SPDYE4: variants seen among roughly 807,000 people sequenced by gnomAD.
The protein encoded by SPDYE4 is speedy/RINGO cell cycle regulator family member E4.
In SPDYE4, 30 loss-of-function variants were observed where a neutral mutation model predicts 37.5. The ratio of observed to expected loss-of-function variants is 0.80; its 90% CI spans 0.60 to 1.09. The LOEUF (loss-of-function observed/expected upper bound fraction) is 1.09, where lower values mean the gene tolerates loss of function less well. Ranked by LOEUF, SPDYE4 falls within the 50% of genes least tolerant of loss-of-function variation. SPDYE4 has a pLI of 0.00. For synonymous variants in SPDYE4, 131 were observed against 120.3 expected (o/e 1.09, Z -0.58); for missense variants, 300 against 307.9 (o/e 0.97, Z 0.19).
chr17:8,747,619 A>G (rs143360047), downstream of SPDYE4, among the ~76,000 whole-genome samples: 118 of 152,332 alleles, frequency 7.7e-4, no homozygotes, highest in African/African-American at 2.8e-3. Flanking sequence ...TGGGAATGAT[A>G]CTTTTTTGGT....
downstream of SPDYE4, among the ~76,000 whole-genome samples, chr17:8,748,951 A>T (rs1237290277): frequency 1.3e-5 from 2 of 152,188 alleles, no homozygotes; most frequent in Non-Finnish European, 2.9e-5. Context: ...CAGAAGAATT[A>T]GCTTTCCCTC....
chr17:8,757,595 G>A (rs960725573), intron 1 of SPDYE4, 103 bp from the exon 2 acceptor site: 9 of 1,201,884 alleles, frequency 7.5e-6, no homozygotes, highest in South Asian at 6.1e-5. Flanking sequence ...CCCAAGCCTC[G>A]CAGACTGTCA....
intron 3 of SPDYE4, 51 bp downstream of exon 3, chr17:8,756,327 C>T: frequency 1.9e-6 from 3 of 1,574,880 alleles, no homozygotes; most frequent in Non-Finnish European, 2.6e-6. Context: ...TGCACCCTTC[C>T]CCAGGACGTG....
At position 8,752,047 on chromosome 17, in the gene SPDYE4, C is replaced by T. The variant is rs1476007425; in HGVS notation, c.*235G>A. Among the ~76,000 whole-genome samples the T allele has an allele frequency of 6.6e-6, 1 of 152,126 alleles. No homozygotes were observed. Among genetic ancestry groups the T allele is most frequent in the African/African-American group, 2.4e-5 (1 of 41,426 alleles). On this transcript the variant is annotated 3_prime_UTR_variant, in exon 7 of 7. Coordinates refer to ENST00000689094, the MANE Select transcript of SPDYE4 (RefSeq NM_001394956.1). ...CACCCCTGGTTTCTCACTTTCCCTCCACTGACTCCTAGAAATACCTCCATG... is the reference window on the plus strand; with the variant it reads ...CACCCCTGGTTTCTCACTTTCCCTCTACTGACTCCTAGAAATACCTCCATG...
downstream of SPDYE4, among the ~76,000 whole-genome samples, chr17:8,750,585 C>T (rs1051305708): frequency 2.0e-5 from 3 of 152,096 alleles, no homozygotes; most frequent in African/African-American, 7.2e-5. Flanking sequence ...TGGCCTGTGC[C>T]TGTAGTCCCA....
At chr17:8,755,348 G>GTTTT (rs2086762804) in intron 4 of SPDYE4, 172 bp downstream of exon 4, 1 of 853,486 alleles carries the variant, frequency 1.2e-6, no homozygotes, top group African/African-American at 1.7e-5. Flanking sequence ...CTGCATTTGT[G>GTTTT]TTTGTTTTTA....
intron 4 of SPDYE4, 169 bp downstream of exon 4, chr17:8,755,351 T>A (rs1345334427): frequency 2.3e-6 from 2 of 874,338 alleles, no homozygotes; most frequent in African/African-American, 1.7e-5. Context: ...CATTTGTGTT[T>A]GTTTTTAGAA....
At chr17:8,755,834 C>G (rs540809572) in intron 3 of SPDYE4, among the ~76,000 whole-genome samples, 1 of 152,036 alleles carries the variant, frequency 6.6e-6, no homozygotes, top group Non-Finnish European at 1.5e-5. Flanking sequence ...TGATGATGAG[C>G]TCCAGTGGGA....
intron 4 of SPDYE4, among the ~76,000 whole-genome samples, chr17:8,754,963 G>A (rs976621553): frequency 2.0e-5 from 3 of 152,184 alleles, no homozygotes; most frequent in South Asian, 2.1e-4. Context: ...CTGTGGACCC[G>A]GGCCTCCGTT....
At chr17:8,756,818 T>G (rs930318901) in intron 2 of SPDYE4, among the ~76,000 whole-genome samples, 3 of 152,280 alleles carry the variant, frequency 2.0e-5, no homozygotes, top group African/African-American at 7.2e-5. Flanking sequence ...TGGAGACACT[T>G]AGGTTTAGAA....
downstream of SPDYE4, among the ~76,000 whole-genome samples, chr17:8,747,578 G>C (rs931450677): frequency 6.6e-6 from 1 of 152,206 alleles, no homozygotes. Context: ...AATGTTCAAT[G>C]TGAAAATTCA....
Position 8,753,088 on chromosome 17 carries a change from A to G in SPDYE4, c.*44+6T>C, listed in dbSNP as rs748541549. 8.8e-6 allele frequency: 14 copies of G among 1,594,030 alleles called. No individual in the cohort carries two copies. The highest frequency in any genetic ancestry group is 1.1e-5 in the Non-Finnish European group (13 of 1,162,686). ...TCTGCCTTTACCCTGGAGGATACAC[A>G]CGTACCTTCCCTCAGGCCGATGACC... On this transcript the variant is annotated splice_donor_region_variant and intron_variant, in intron 6 of 6. Transcript: ENST00000689094.
At chr17:8,748,818 A>G (rs1004270735), downstream of SPDYE4, among the ~76,000 whole-genome samples, 7 of 152,270 alleles carry the variant, frequency 4.6e-5, no homozygotes, top group African/African-American at 1.2e-4. Flanking sequence ...TACTCATCCT[A>G]ATACTTTTGA....
At chr17:8,757,628 C>CGTTT in intron 1 of SPDYE4, 136 bp from the exon 2 acceptor site, 1 of 729,214 alleles carries the variant, frequency 1.4e-6, no homozygotes, top group Non-Finnish European at 2.1e-6. Context: ...CATGTTTCCA[C>CGTTT]CTTTCTCCTT....
At chr17:8,755,094 G>A (rs1280314637) in intron 4 of SPDYE4, among the ~76,000 whole-genome samples, 4 of 152,244 alleles carry the variant, frequency 2.6e-5, no homozygotes, top group Non-Finnish European at 4.4e-5. Flanking sequence ...GGACTCGCAG[G>A]AATGCCCAGC....
chr17:8,756,530 A>T, intron 2 of SPDYE4, 94 bp from the exon 3 acceptor site: 1 of 1,269,042 alleles, frequency 7.9e-7, no homozygotes, highest in Non-Finnish European at 1.1e-6. Flanking sequence ...CTCTGGGGGA[A>T]GTCTCAGGAT....
rs762943350 is a variant in SPDYE4 at position 8,756,429 on chromosome 17, A to T, written c.348T>A (p.Pro116=). ...HEAFNRLLGD[P]VVQKFLAWDK... is the part of the protein sequence containing the mutation. Reference sequence around the variant, plus strand: ...CCCAGGCCAGGAATTTTTGAACGACAGGATCCCCTGTGAAAAGAGAGCCTG... The same window carrying T: ...CCCAGGCCAGGAATTTTTGAACGACTGGATCCCCTGTGAAAAGAGAGCCTG... Residue 116 remains proline (P), a synonymous_variant, in exon 3 of 7, where the codon CCT becomes CCA. Coordinates refer to ENST00000689094, the MANE Select transcript of SPDYE4 (RefSeq NM_001394956.1). 1 of 1,614,062 alleles carries T rather than the reference A, an allele frequency of 6.2e-7. No homozygotes were observed. The highest frequency in any genetic ancestry group is 1.1e-5 in the South Asian group (1 of 91,080).
Position 8,753,366 on chromosome 17 carries a change from A to G in SPDYE4, c.609T>C (p.Cys203=). ...AAACCCACGTCCTCCAGCGCATGGA[A>G]CAGAGGAGCTGGTATCGAAGCTTAT... ...LFHKLRYQLL[C]SMRWRTWVSP... The change falls in exon 5 of 7, where the codon TGT becomes TGC. Residue 203 remains cysteine, a synonymous_variant. Transcript: ENST00000689094. The G allele has an allele frequency of 6.3e-7, 1 of 1,585,202 alleles. No individual in the cohort carries two copies. The highest frequency in any genetic ancestry group is 8.6e-7 in the Non-Finnish European group (1 of 1,165,550).
chr17:8,755,018 G>C (rs781064773), intron 4 of SPDYE4, among the ~76,000 whole-genome samples: 31 of 152,326 alleles, frequency 2.0e-4, no homozygotes, highest in East Asian at 7.7e-4. Flanking sequence ...GGCAGTGAAG[G>C]GGGGGTGGGA....
Sources: gnomAD v4.1 joint callset for allele counts (sites outside exome capture counted in the v4.1 genomes callset) on GRCh38, gnomAD v4.1.1 for gene constraint, MANE v1.5 for transcripts, NCBI Gene and HGNC (gene_info 2026-07-23, HGNC 2026-07-21) for gene names.